Variants in NR5A2 observed in about 807,000 individuals in gnomAD.
NR5A2 encodes the protein nuclear receptor subfamily 5 group A member 2, also known as CYP7A promoter-binding factor.
A neutral mutation model predicts 62.7 loss-of-function variants in NR5A2; 26 were observed. The observed-to-expected ratio is 0.41, with a 90% CI of 0.30 to 0.58. NR5A2 has a LOEUF of 0.58. Ranked by LOEUF, NR5A2 falls within the 20% of genes least tolerant of loss-of-function variation. NR5A2 has a pLI of 0.22. For missense variants in NR5A2, 541 were observed against 669.1 expected (o/e 0.81, Z 2.11); for synonymous variants, 246 against 241.7 (o/e 1.02, Z -0.16).
At chr1:200,122,073 C>A (rs1407420080) in intron 7 of NR5A2, among the ~76,000 whole-genome samples, 1 of 151,956 alleles carries the variant, frequency 6.6e-6, no homozygotes, top group African/African-American at 2.4e-5. Context: ...ATAAATACAG[C>A]AAAAAGAAAT....
chr1:200,095,755 C>T lies in NR5A2; in HGVS notation c.1111-15447C>T, dbSNP rs181039654. Among the ~76,000 whole-genome samples the T allele has an allele frequency of 1.9e-3, 282 of 151,916 alleles. 6 individuals carry two copies. The highest frequency in any genetic ancestry group is 0.014 in the Admixed American group (218 of 15,256). On this transcript the variant is annotated intron_variant, in intron 5 of 7. Coordinates refer to ENST00000367362, the MANE Select transcript of NR5A2 (RefSeq NM_205860.3). The stretch of plus-strand genomic sequence containing the variant: ...TTTTAGTAGAGACAGGGTTTTACCA[C>T]GTTAGCCAGGATGGTGTCGATCTCC...
At chr1:200,098,954 A>G (rs1665237556) in intron 5 of NR5A2, among the ~76,000 whole-genome samples, 1 of 152,226 alleles carries the variant, frequency 6.6e-6, no homozygotes, top group Admixed American at 6.5e-5. Context: ...ATCTTTCTGT[A>G]GTTTAGGGCC....
At chr1:200,070,965 T>A (rs1663716458) in intron 5 of NR5A2, among the ~76,000 whole-genome samples, 1 of 152,218 alleles carries the variant, frequency 6.6e-6, no homozygotes. Flanking sequence ...CAATACTTTA[T>A]AAGAGAGAGT....
chr1:200,105,297 G>C (rs948459072), intron 5 of NR5A2, among the ~76,000 whole-genome samples: 1 of 151,840 alleles, frequency 6.6e-6, no homozygotes, highest in Non-Finnish European at 1.5e-5. Context: ...TGTTCCAAGA[G>C]CATTCTAACA....
At chr1:200,073,446 C>G (rs1242502576) in intron 5 of NR5A2, among the ~76,000 whole-genome samples, 1 of 151,182 alleles carries the variant, frequency 6.6e-6, no homozygotes, top group Non-Finnish European at 1.5e-5. Flanking sequence ...GTTCAAGTCT[C>G]TGGTATAAAA....
Position 200,045,818 on chromosome 1 carries a change from C to CT in NR5A2, c.463+242dup, listed in dbSNP as rs796225638. On this transcript the variant is annotated intron_variant, in intron 4 of 7. Transcript: ENST00000367362. ...TAGTTGTCTTTCCCCTGCCCACCCC[C>CT]TTTTTTTTAGTCTGGGGAGCAGATG... Among the ~76,000 whole-genome samples, 484 of 151,898 alleles carry CT rather than the reference C, an allele frequency of 3.2e-3. 5 individuals carry two copies. Among genetic ancestry groups the CT allele is most frequent in the African/African-American group, 0.01 (427 of 41,456 alleles).
At chr1:200,085,800 G>A (rs1405086659) in intron 5 of NR5A2, among the ~76,000 whole-genome samples, 1 of 152,146 alleles carries the variant, frequency 6.6e-6, no homozygotes, top group Non-Finnish European at 1.5e-5. Flanking sequence ...ATATATCTCA[G>A]CATTTCCAAA....
intron 5 of NR5A2, among the ~76,000 whole-genome samples, chr1:200,064,724 A>C (rs1378636209): frequency 6.6e-6 from 1 of 152,200 alleles, no homozygotes; most frequent in African/African-American, 2.4e-5. Context: ...CTTAATTGCC[A>C]GCATTTAGCT....
rs577843483 is a variant in NR5A2, at chr1:200,093,878, C to T, written c.1111-17324C>T. On this transcript the variant is annotated intron_variant, in intron 5 of 7. Transcript: ENST00000367362. ...TCTAAATTTTTAAAAATTTCTTGGC[C>T]GGGCACAGTGGCCCACGCCTGTAAT... Among the ~76,000 whole-genome samples the T allele has an allele frequency of 7.9e-5, 12 of 152,236 alleles. No individual in the cohort carries two copies. The East Asian group carries it at 9.7e-4, about 12-fold the overall frequency.
chr1:200,069,044 T>TTA (rs1422186792), intron 5 of NR5A2, among the ~76,000 whole-genome samples: 1 of 152,148 alleles, frequency 6.6e-6, no homozygotes, highest in Non-Finnish European at 1.5e-5. Flanking sequence ...AGTTCAGCAT[T>TTA]TATAGCCTCA....
At chr1:200,114,683 C>A (rs1420758990) in intron 6 of NR5A2, among the ~76,000 whole-genome samples, 1 of 152,130 alleles carries the variant, frequency 6.6e-6, no homozygotes, top group African/African-American at 2.4e-5. Flanking sequence ...CAAAACTAGG[C>A]CAGCGCAAGG....
rs1186810720 is a variant in NR5A2 at position 200,174,710 on chromosome 1, A to G, written c.*500A>G. On this transcript the variant is annotated 3_prime_UTR_variant, in exon 8 of 8. Transcript: ENST00000367362. ...CAATAGCCCCTCCCTCTTCCTTTGA[A>G]GGCCCCAGCACCTCTGCCCTGTGGT... 6.5e-6 allele frequency: 1 copy of G among 152,774 alleles called. No individual in the cohort carries two copies. Among genetic ancestry groups the G allele is most frequent in the Non-Finnish European group, 1.5e-5 (1 of 68,224 alleles). 9.5% of individuals were successfully genotyped at this position (152,774 alleles called of 1,614,324 possible). A position where few individuals can be genotyped will look rare whatever the true frequency, so the allele number is the denominator to read the frequency against.
chr1:200,037,982 C>G (rs1661855721), intron 1 of NR5A2, among the ~76,000 whole-genome samples: 2 of 152,192 alleles, frequency 1.3e-5, no homozygotes, highest in African/African-American at 4.8e-5. Flanking sequence ...AAACTTAGAT[C>G]TTTTGAGATT....
intron 5 of NR5A2, among the ~76,000 whole-genome samples, chr1:200,106,917 T>C (rs1665703533): frequency 6.6e-6 from 1 of 152,072 alleles, no homozygotes; most frequent in South Asian, 2.1e-4. Flanking sequence ...CTCACCAATT[T>C]CAAGATAATA....
At chr1:200,093,385 G>A (rs1664910568) in intron 5 of NR5A2, among the ~76,000 whole-genome samples, 1 of 152,066 alleles carries the variant, frequency 6.6e-6, no homozygotes. Flanking sequence ...CACACACATG[G>A]GTACTAATTC....
chr1:200,126,955 C>T (rs1558154695), intron 7 of NR5A2, among the ~76,000 whole-genome samples: 1 of 152,026 alleles, frequency 6.6e-6, no homozygotes. Flanking sequence ...GTGTCAAACA[C>T]CAAAATGAGC....
chr1:200,065,760 G>A (rs1405179289), intron 5 of NR5A2, among the ~76,000 whole-genome samples: 1 of 152,158 alleles, frequency 6.6e-6, no homozygotes, highest in African/African-American at 2.4e-5. Flanking sequence ...GTTCAGAGAA[G>A]ACCAATGTGA....
At chr1:200,044,979 T>C (rs1176353364) in intron 3 of NR5A2, among the ~76,000 whole-genome samples, 1 of 140,452 alleles carries the variant, frequency 7.1e-6, no homozygotes, top group Non-Finnish European at 1.6e-5. Flanking sequence ...TTGACATTTG[T>C]TAAAAAAAAA....
intron 1 of NR5A2, chr1:200,038,794 A>G: frequency 7.7e-7 from 1 of 1,305,056 alleles, no homozygotes; most frequent in Non-Finnish European, 1.0e-6. Flanking sequence ...CTGCATTTAC[A>G]TCCCCCCGCC....
Sources: allele counts gnomAD v4.1 joint callset (sites outside exome capture counted in the v4.1 genomes callset), GRCh38; gene constraint gnomAD v4.1.1; transcripts MANE v1.5; gene names NCBI Gene and HGNC (gene_info 2026-07-23, HGNC 2026-07-21).